Variants in TRAPPC9 observed in about 807,000 individuals in gnomAD.
The protein encoded by TRAPPC9 is trafficking protein particle complex subunit 9.
Under a neutral mutation model 124.0 loss-of-function variants are expected in TRAPPC9, and 83 were observed. The observed-to-expected ratio is 0.67, with a 90% CI of 0.56 to 0.80. The LOEUF is 0.80. Among genes scored for constraint, TRAPPC9 ranks in the 30% least tolerant of loss-of-function variants. The pLI is 0.00. For missense variants in TRAPPC9, 1,302 were observed against 1,508.3 expected (o/e 0.86, Z 2.27); for synonymous variants, 638 against 617.5 (o/e 1.03, Z -0.49).
At position 140,451,314 on chromosome 8, in the gene TRAPPC9, GAC is replaced by G. The variant is rs762236157; in HGVS notation, c.58_59del (p.Val20ProfsTer16). On this transcript the variant is annotated frameshift_variant, in exon 2 of 23. Transcript: ENST00000438773. LOFTEE classifies it high-confidence loss of function. ...AEDHQTLLVV[V>X]QPVGIVSEEN... is the part of the protein sequence containing the mutation. ...CCTCGGAGACGATGCCCACAGGCTGGACCACCACGAGCAGCGTCTGGTGGTCC... is the reference window on the plus strand; with the variant it reads ...CCTCGGAGACGATGCCCACAGGCTGGCACCACGAGCAGCGTCTGGTGGTCC... The G allele has an allele frequency of 6.2e-7, 1 of 1,607,928 alleles. No homozygotes were observed. The highest frequency in any genetic ancestry group is 8.5e-7 in the Non-Finnish European group (1 of 1,180,012).
At chr8:140,051,864 C>G (rs1563723928) in intron 17 of TRAPPC9, among the ~76,000 whole-genome samples, 1 of 152,088 alleles carries the variant, frequency 6.6e-6, no homozygotes, top group South Asian at 2.1e-4. Flanking sequence ...TTTTCACTCT[C>G]CTGTAAGATC....
chr8:140,099,138 G>C lies in TRAPPC9; in HGVS notation c.2557-75059C>G, dbSNP rs186219048. 792 of 152,124 alleles carry C rather than the reference G, an allele frequency of 5.2e-3. 4 individuals are homozygous for C. The highest frequency in any genetic ancestry group is 0.014 in the Middle Eastern group (4 of 290). 9.4% of individuals were successfully genotyped at this position (152,124 alleles called of 1,614,324 possible). On this transcript the variant is annotated intron_variant, in intron 17 of 22. Coordinates refer to ENST00000438773, the MANE Select transcript of TRAPPC9 (RefSeq NM_001160372.4). ...AGCTAGGTCTCAGTGCGCAGCTGCA[G>C]GAGTGCCGCAGTCCGCAGGGTACTG... is the stretch of plus-strand genomic sequence containing the variant.
At chr8:140,351,862 T>C (rs1253931991) in intron 9 of TRAPPC9, among the ~76,000 whole-genome samples, 4 of 152,158 alleles carry the variant, frequency 2.6e-5, no homozygotes, top group Admixed American at 2.6e-4. Flanking sequence ...TTAAAAACTT[T>C]TGTAACAGCT....
At position 140,008,894 on chromosome 8, in the gene TRAPPC9, T is replaced by A. The variant is rs1004338338; in HGVS notation, c.2699+15043A>T. ...GAGTTTATATCCCAGTAGGAAAGGC[T>A]GGGTATAGGGTGCATAGAATTTCCC... On this transcript the variant is annotated intron_variant, in intron 18 of 22. Coordinates refer to ENST00000438773, the MANE Select transcript of TRAPPC9 (RefSeq NM_001160372.4). Among the ~76,000 whole-genome samples the A allele has an allele frequency of 1.1e-4, 16 of 152,256 alleles. 1 individual carries two copies. Among genetic ancestry groups the A allele is most frequent in the Admixed American group, 9.8e-4 (15 of 15,286 alleles).
At chr8:140,290,772 G>C (rs1331469937) in intron 12 of TRAPPC9, among the ~76,000 whole-genome samples, 2 of 152,188 alleles carry the variant, frequency 1.3e-5, no homozygotes, top group Non-Finnish European at 2.9e-5. Context: ...GTTCAAATCA[G>C]AGGTTTCTTT....
chr8:139,731,545 G>A (rs1381159748), intron 22 of TRAPPC9, among the ~76,000 whole-genome samples: 1 of 152,158 alleles, frequency 6.6e-6, no homozygotes. Context: ...CTGTGCTGGG[G>A]CCTGACAGTG....
In TRAPPC9 at chr8:139,749,271, G is replaced by A. The variant is rs79746297; in HGVS notation, c.3056-17069C>T. Reference sequence around the variant, plus strand: ...CCGCCATGGCCTGCATGGCCCACACGGGAATCTGCTGCTGAGGGACTGTCT... The same window carrying A: ...CCGCCATGGCCTGCATGGCCCACACAGGAATCTGCTGCTGAGGGACTGTCT... On this transcript the variant is annotated intron_variant, in intron 21 of 22. Transcript: ENST00000438773. Among the ~76,000 whole-genome samples the A allele has an allele frequency of 7.4e-3, 1,130 of 152,262 alleles. 12 individuals are homozygous for A. Among genetic ancestry groups the A allele is most frequent in the African/African-American group, 0.026 (1,065 of 41,552 alleles).
intron 17 of TRAPPC9, among the ~76,000 whole-genome samples, chr8:140,126,443 G>A (rs866656281): frequency 2.0e-5 from 3 of 152,232 alleles, no homozygotes; most frequent in Non-Finnish European, 4.4e-5. Context: ...AAGGAACGTC[G>A]GTGGAAGGGA....
intron 17 of TRAPPC9, among the ~76,000 whole-genome samples, chr8:140,164,703 G>A (rs542596157): frequency 1.6e-4 from 24 of 152,252 alleles, no homozygotes; most frequent in African/African-American, 1.4e-4. Context: ...CAGCCTCAGC[G>A]AGTCCAGGTG....
chr8:140,411,801 TAAAA>T (rs2069716158), intron 5 of TRAPPC9, among the ~76,000 whole-genome samples: 1 of 151,208 alleles, frequency 6.6e-6, no homozygotes, highest in Non-Finnish European at 1.5e-5. Flanking sequence ...TAGAACCTAC[TAAAA>T]AAATAATGAT....
At chr8:140,328,591 G>C (rs1278466219) in intron 9 of TRAPPC9, among the ~76,000 whole-genome samples, 1 of 152,114 alleles carries the variant, frequency 6.6e-6, no homozygotes, top group Non-Finnish European at 1.5e-5. Context: ...AGGGGGAAAG[G>C]GTGGGAGCAG....
rs962962342 is a variant in TRAPPC9, at chr8:139,856,441, C to T, written c.3055+29438G>A. ...CTCTACTGCCCTCCCCCTCTGGGAC[C>T]GGGAGGCCAGGAGACTTGGCCTTGG... On this transcript the variant is annotated intron_variant, in intron 21 of 22. Transcript: ENST00000438773. Among the ~76,000 whole-genome samples, 4 of 152,118 alleles carry T rather than the reference C, an allele frequency of 2.6e-5. No homozygotes were observed. The East Asian group carries it at 5.8e-4, about 22-fold the overall frequency.
At chr8:140,026,905 G>T (rs1587528777) in intron 17 of TRAPPC9, among the ~76,000 whole-genome samples, 1 of 151,812 alleles carries the variant, frequency 6.6e-6, no homozygotes, top group South Asian at 2.1e-4. Flanking sequence ...TCATATTTTG[G>T]CCTCACCAAA....
At chr8:139,943,943 C>T (rs1587298210) in intron 19 of TRAPPC9, among the ~76,000 whole-genome samples, 1 of 152,262 alleles carries the variant, frequency 6.6e-6, no homozygotes, top group East Asian at 1.9e-4. Flanking sequence ...ATCAAACATT[C>T]TAACATACCT....
intron 17 of TRAPPC9, among the ~76,000 whole-genome samples, chr8:140,122,019 TTCTTTC>T (rs1464111875): frequency 5.2e-5 from 4 of 76,932 alleles, no homozygotes; most frequent in Admixed American, 3.0e-4. Context: ...CTTTCTTTCT[TTCTTTC>T]TCTCTCTCTC....
intron 17 of TRAPPC9, among the ~76,000 whole-genome samples, chr8:140,038,811 C>G (rs546131774): frequency 1.3e-5 from 2 of 152,248 alleles, no homozygotes; most frequent in Admixed American, 6.5e-5. Context: ...TGGTTCCCGT[C>G]TGCAGGGCGC....
At chr8:139,830,895 G>A (rs372789273) in intron 21 of TRAPPC9, among the ~76,000 whole-genome samples, 53 of 152,342 alleles carry the variant, frequency 3.5e-4, no homozygotes, top group African/African-American at 1.2e-3. Context: ...CTCCAGGGAG[G>A]CTGAACTGTC....
Position 140,159,943 on chromosome 8 carries a change from A to C in TRAPPC9, c.2556+61516T>G, listed in dbSNP as rs145344269. 3.5e-3 allele frequency among the ~76,000 whole-genome samples: 526 copies of C among 152,340 alleles called. 4 individuals are homozygous for C. Among genetic ancestry groups the C allele is most frequent in the African/African-American group, 0.011 (460 of 41,572 alleles). ...ATATTCAGAATCTACAACGAACTTAAACAAATTTATAAGAAAAAAACAACC... is the reference window on the plus strand; with the variant it reads ...ATATTCAGAATCTACAACGAACTTACACAAATTTATAAGAAAAAAACAACC... On this transcript the variant is annotated intron_variant, in intron 17 of 22. Transcript: ENST00000438773.
chr8:140,330,865 C>T (rs955498698), intron 9 of TRAPPC9, among the ~76,000 whole-genome samples: 4 of 151,972 alleles, frequency 2.6e-5, no homozygotes, highest in Non-Finnish European at 2.9e-5. Flanking sequence ...CGCTGCCCAC[C>T]CAGACTGCCC....
Sources: gnomAD v4.1 joint callset for allele counts (sites outside exome capture counted in the v4.1 genomes callset) on GRCh38, gnomAD v4.1.1 for gene constraint, MANE v1.5 for transcripts, NCBI Gene and HGNC (gene_info 2026-07-23, HGNC 2026-07-21) for gene names.